SLC13A3: variants seen among roughly 807,000 people sequenced by gnomAD.
SLC13A3 encodes Na(+)/dicarboxylate cotransporter 3.
A neutral mutation model predicts 59.0 loss-of-function variants in SLC13A3; 40 were observed. That is an observed-to-expected ratio of 0.68 (90% CI 0.53 to 0.88). SLC13A3 has a LOEUF of 0.88. SLC13A3 is among the 40% of genes least tolerant of loss of function. The pLI is 0.00. For missense variants in SLC13A3, 699 were observed against 783.2 expected (o/e 0.89, Z 1.28); for synonymous variants, 317 against 330.3 (o/e 0.96, Z 0.44).
At chr20:46,567,907 A>C (rs1737472977) in intron 10 of SLC13A3, among the ~76,000 whole-genome samples, 1 of 152,162 alleles carries the variant, frequency 6.6e-6, no homozygotes. Context: ...TTAGACCTAG[A>C]ACAAAGCTGT....
chr20:46,625,811 C>T (rs73313024), intron 1 of SLC13A3, among the ~76,000 whole-genome samples: 2,949 of 152,306 alleles, frequency 0.019, 96 homozygotes, highest in African/African-American at 0.067. Flanking sequence ...CTGTGAGATT[C>T]CTCCACGCAG....
chr20:46,676,749 G>A (rs980944638), intron 1 of SLC13A3, among the ~76,000 whole-genome samples: 1 of 152,000 alleles, frequency 6.6e-6, no homozygotes, highest in Non-Finnish European at 1.5e-5. Context: ...ACCTTGCCTG[G>A]CAGATCTGAA....
intron 1 of SLC13A3, among the ~76,000 whole-genome samples, chr20:46,639,632 T>A (rs1280289942): frequency 6.6e-6 from 1 of 152,184 alleles, no homozygotes; most frequent in Non-Finnish European, 1.5e-5. Context: ...CTGGATGACA[T>A]CACTGTCCTC....
At chr20:46,650,032 A>C (rs2062936747) in intron 1 of SLC13A3, among the ~76,000 whole-genome samples, 1 of 152,026 alleles carries the variant, frequency 6.6e-6, no homozygotes, top group Non-Finnish European at 1.5e-5. Flanking sequence ...TTAATACCTC[A>C]CTGAGAGATG....
intron 9 of SLC13A3, chr20:46,583,271 G>C (rs1055427072): frequency 2.4e-5 from 17 of 696,684 alleles, no homozygotes; most frequent in Non-Finnish European, 3.0e-5. Flanking sequence ...GTAGTAAAAT[G>C]TTTTTCTTTT....
intron 1 of SLC13A3, 59 bp downstream of exon 1, chr20:46,651,252 T>A: frequency 7.0e-7 from 1 of 1,426,018 alleles, no homozygotes; most frequent in Middle Eastern, 2.2e-4. Flanking sequence ...CTTGGAGGCT[T>A]GGGAGAAGAG....
At chr20:46,618,074 A>C (rs757068584) in intron 1 of SLC13A3, among the ~76,000 whole-genome samples, 3 of 152,204 alleles carry the variant, frequency 2.0e-5, no homozygotes, top group African/African-American at 2.4e-5. Context: ...CGTTTTGAAA[A>C]TGATATGACT....
At chr20:46,640,404 C>G (rs1759372180) in intron 1 of SLC13A3, among the ~76,000 whole-genome samples, 1 of 152,146 alleles carries the variant, frequency 6.6e-6, no homozygotes, top group African/African-American at 2.4e-5. Flanking sequence ...ATGTCTTTTT[C>G]TAGCTGGGGC....
upstream of SLC13A3, chr20:46,651,462 C>T: frequency 7.3e-7 from 1 of 1,377,436 alleles, no homozygotes; most frequent in Non-Finnish European, 9.3e-7. Flanking sequence ...CCGGGACTGC[C>T]CCGCCTGGCC....
chr20:46,638,507 G>A (rs920215373), intron 1 of SLC13A3, among the ~76,000 whole-genome samples: 1 of 152,250 alleles, frequency 6.6e-6, no homozygotes, highest in African/African-American at 2.4e-5. Flanking sequence ...GCTGCGGACA[G>A]AGGGGCCGTC....
intron 1 of SLC13A3, among the ~76,000 whole-genome samples, chr20:46,645,449 T>C (rs1330444443): frequency 1.3e-5 from 2 of 152,200 alleles, no homozygotes; most frequent in Non-Finnish European, 2.9e-5. Context: ...AAGAAGGCCA[T>C]CCATGTACAG....
At chr20:46,653,986 A>G (rs750684355), upstream of SLC13A3, among the ~76,000 whole-genome samples, 2 of 152,088 alleles carry the variant, frequency 1.3e-5, no homozygotes, top group Non-Finnish European at 2.9e-5. Flanking sequence ...TCATAAGGTA[A>G]TTCTGCGCTT....
At chr20:46,674,726 T>G (rs1053880542), upstream of SLC13A3, among the ~76,000 whole-genome samples, 1 of 151,466 alleles carries the variant, frequency 6.6e-6, no homozygotes, top group African/African-American at 2.4e-5. Flanking sequence ...GAAGAGAGAA[T>G]TCAATTCAAT....
chr20:46,567,149 G>A lies in SLC13A3; in HGVS notation c.1333-759C>T, dbSNP rs1265775227. Among the ~76,000 whole-genome samples the A allele has an allele frequency of 3.9e-5, 6 of 152,006 alleles. No homozygotes were observed. The South Asian group carries it at 6.2e-4, about 16-fold the overall frequency. On this transcript the variant is annotated intron_variant, in intron 10 of 12. Transcript: ENST00000279027. ...AGAGGTTTCAATGAGCCAACCTCAC[G>A]CCACTGCACTCCAGCCTGGGCGACA...
intron 3 of SLC13A3, chr20:46,609,122 A>G (rs2062466104): frequency 1.3e-6 from 2 of 1,488,044 alleles, no homozygotes; most frequent in South Asian, 2.7e-5. Flanking sequence ...CATATGTATC[A>G]ATTCAAATCT....
chr20:46,584,208 C>A, intron 8 of SLC13A3: 1 of 985,352 alleles, frequency 1.0e-6, no homozygotes, highest in Non-Finnish European at 1.2e-6. Context: ...ATTAAGCCCT[C>A]GGGGCAGGCA....
chr20:46,662,244 T>C (rs2063034930), intron 1 of SLC13A3, among the ~76,000 whole-genome samples: 2 of 152,224 alleles, frequency 1.3e-5, no homozygotes, highest in African/African-American at 2.4e-5. Flanking sequence ...ATTTTATAGC[T>C]AATAAAGCCT....
intron 1 of SLC13A3, among the ~76,000 whole-genome samples, chr20:46,639,261 A>G (rs1015777629): frequency 6.6e-6 from 1 of 152,132 alleles, no homozygotes; most frequent in Non-Finnish European, 1.5e-5. Context: ...CAAGAGTTCG[A>G]GACCAGACTG....
At chr20:46,632,167 C>T (rs536030395) in intron 1 of SLC13A3, among the ~76,000 whole-genome samples, 5 of 152,274 alleles carry the variant, frequency 3.3e-5, no homozygotes, top group East Asian at 3.9e-4. Flanking sequence ...CTGCTGCCTA[C>T]GAGAGTCCCA....
Sources: allele counts gnomAD v4.1 joint callset (sites outside exome capture counted in the v4.1 genomes callset), GRCh38; gene constraint gnomAD v4.1.1; transcripts MANE v1.5; gene names NCBI Gene and HGNC (gene_info 2026-07-23, HGNC 2026-07-21).